The following PTPRT variants were observed in gnomAD, a reference collection of about 807,000 sequenced individuals.
PTPRT encodes protein tyrosine phosphatase receptor type T, also known as receptor-type tyrosine-protein phosphatase T.
PTPRT carries 56 observed loss-of-function variants against 176.8 expected under a neutral mutation model. The observed-to-expected ratio is 0.32, with a 90% CI of 0.26 to 0.40. The LOEUF (loss-of-function observed/expected upper bound fraction) is 0.40, where lower values mean the gene tolerates loss of function less well. Among genes scored for constraint, PTPRT ranks in the 10% least tolerant of loss-of-function variants. The pLI, the probability that PTPRT is intolerant of heterozygous loss-of-function variation, is 1.00. For synonymous variants in PTPRT, 783 were observed against 739.0 expected, an observed-to-expected ratio of 1.06 and a Z score of -0.96; for missense variants, 1,540 against 1,908.2, an observed-to-expected ratio of 0.81 and a Z score of 3.60.
At chr20:42,667,878 G>A (rs2075343513) in intron 7 of PTPRT, among the ~76,000 whole-genome samples, 1 of 152,144 alleles carries the variant, frequency 6.6e-6, no homozygotes, top group Admixed American at 6.5e-5. Flanking sequence ...GAGAGGGCGA[G>A]GAAGTGCAGG....
chr20:42,528,213 G>A (rs1179379740), intron 7 of PTPRT, among the ~76,000 whole-genome samples: 1 of 151,896 alleles, frequency 6.6e-6, no homozygotes, highest in Non-Finnish European at 1.5e-5. Flanking sequence ...GCCTTTTCAT[G>A]CTTACCCACC....
At position 42,771,498 on chromosome 20, in the gene PTPRT, C is replaced by T; in HGVS notation, c.621G>A (p.Gln207=). The change falls in exon 5 of 31, where the codon CAG becomes CAA. Residue 207 remains glutamine (Q), a synonymous_variant. Transcript: ENST00000373187. Reference sequence around the variant, plus strand: ...CAGCAATGCACTGAAATGTGGCATTCTGCCCCACATTCACCTCCACGTTTT... The same window carrying T: ...CAGCAATGCACTGAAATGTGGCATTTTGCCCCACATTCACCTCCACGTTTT... The part of the protein sequence containing the change: ...RLQNVEVNVG[Q]NATFQCIAGG... The T allele has an allele frequency of 1.2e-6, 2 of 1,614,168 alleles. No individual in the cohort carries two copies. Among genetic ancestry groups the T allele is most frequent in the East Asian group, 2.2e-5 (1 of 44,876 alleles).
intron 1 of PTPRT, among the ~76,000 whole-genome samples, chr20:42,912,964 A>T (rs528958417): frequency 1.2e-4 from 19 of 152,214 alleles, no homozygotes; most frequent in Admixed American, 9.8e-4. Flanking sequence ...CAGGAAACAG[A>T]CAACCTGAGT....
chr20:42,488,029 T>C (rs2071493361), intron 7 of PTPRT, among the ~76,000 whole-genome samples: 1 of 152,202 alleles, frequency 6.6e-6, no homozygotes, highest in Admixed American at 6.5e-5. Flanking sequence ...TACCTTTTTG[T>C]CACTCAGCAC....
At chr20:42,182,970 A>T (rs1366823995) in intron 16 of PTPRT, among the ~76,000 whole-genome samples, 1 of 150,026 alleles carries the variant, frequency 6.7e-6, no homozygotes, top group Non-Finnish European at 1.5e-5. Context: ...GTGCACCAGC[A>T]TTTTGTGCTG....
chr20:42,577,969 G>GTGTGTGTGTGTGTGTGTGTGTA (rs564005742), intron 7 of PTPRT, among the ~76,000 whole-genome samples: 2 of 140,302 alleles, frequency 1.4e-5, no homozygotes, highest in African/African-American at 2.8e-5. Context: ...GTGTGTGTGT[G>GTGTGTGTGTGTGTGTGTGTGTA]TAGGCATACC....
intron 6 of PTPRT, among the ~76,000 whole-genome samples, chr20:42,737,598 C>G (rs1055500009): frequency 6.6e-6 from 1 of 150,970 alleles, no homozygotes; most frequent in Non-Finnish European, 1.5e-5. Flanking sequence ...CACCATTGCA[C>G]TCCAGCCTGT....
chr20:42,766,457 C>T (rs2076984184), intron 5 of PTPRT, among the ~76,000 whole-genome samples: 1 of 152,178 alleles, frequency 6.6e-6, no homozygotes. Context: ...TCGGTCCTGT[C>T]CATTGACTCT....
intron 7 of PTPRT, among the ~76,000 whole-genome samples, chr20:42,641,523 A>C (rs1428330407): frequency 6.6e-6 from 1 of 152,184 alleles, no homozygotes; most frequent in Non-Finnish European, 1.5e-5. Flanking sequence ...GTCAGGCATC[A>C]GCTTTTCTGT....
chr20:43,164,080 T>C (rs1347442324), intron 1 of PTPRT, among the ~76,000 whole-genome samples: 5 of 152,236 alleles, frequency 3.3e-5, no homozygotes, highest in Non-Finnish European at 1.5e-5. Context: ...TTTGGGATTA[T>C]TTAAAATATT....
intron 7 of PTPRT, among the ~76,000 whole-genome samples, chr20:42,541,611 G>GA (rs1415226944): frequency 4.2e-4 from 62 of 148,146 alleles, no homozygotes; most frequent in African/African-American, 1.0e-3. Context: ...AGCCATATAG[G>GA]AAAAAAAATG....
intron 1 of PTPRT, among the ~76,000 whole-genome samples, chr20:43,156,474 G>GAGAC (rs368469080): frequency 1.1e-4 from 17 of 152,194 alleles, no homozygotes; most frequent in African/African-American, 3.6e-4. Flanking sequence ...GGATGGCACA[G>GAGAC]AGACAGACAG....
In PTPRT at chr20:43,128,490, C is replaced by G. The variant is rs375079721; in HGVS notation, c.88+61156G>C. On this transcript the variant is annotated intron_variant, in intron 1 of 30. Transcript: ENST00000373187. ...GGAGTTACCAACCCATTCTTTTGGC[C>G]TGCCCCAGCACAACCACTATGGGGG... Among the ~76,000 whole-genome samples, 15 of 152,298 alleles carry G rather than the reference C, an allele frequency of 9.8e-5. No homozygotes were observed. In the East Asian group the frequency reaches 2.9e-3, roughly 29 times the overall value.
At chr20:42,839,686 A>T (rs1036968789) in intron 2 of PTPRT, among the ~76,000 whole-genome samples, 2 of 152,178 alleles carry the variant, frequency 1.3e-5, no homozygotes. Context: ...GACCAAGGAC[A>T]TCCCAAGGTA....
chr20:42,100,141 C>T (rs907648407), intron 26 of PTPRT, among the ~76,000 whole-genome samples: 1 of 152,196 alleles, frequency 6.6e-6, no homozygotes, highest in Non-Finnish European at 1.5e-5. Flanking sequence ...GTCCAGGGCC[C>T]GACATGGTGC....
intron 9 of PTPRT, among the ~76,000 whole-genome samples, chr20:42,396,687 G>A (rs1415961172): frequency 6.6e-6 from 1 of 152,136 alleles, no homozygotes; most frequent in Non-Finnish European, 1.5e-5. Flanking sequence ...TCAGCCTCCT[G>A]AGTAGCTGGG....
chr20:42,385,182 C>T (rs192359091), intron 9 of PTPRT, among the ~76,000 whole-genome samples: 3 of 152,148 alleles, frequency 2.0e-5, no homozygotes, highest in African/African-American at 4.8e-5. Flanking sequence ...GGAGCTTTCC[C>T]CCTATTTCTT....
chr20:42,136,820 T>A (rs1988402397), intron 18 of PTPRT, among the ~76,000 whole-genome samples: 1 of 152,238 alleles, frequency 6.6e-6, no homozygotes, highest in South Asian at 2.1e-4. Context: ...GAGTGGGAAG[T>A]GAGACAGAGA....
intron 15 of PTPRT, among the ~76,000 whole-genome samples, chr20:42,224,146 A>G (rs2055949923): frequency 6.6e-6 from 1 of 152,168 alleles, no homozygotes; most frequent in African/African-American, 2.4e-5. Flanking sequence ...TCTGTTAAGA[A>G]AGAGATTTCA....
Sources: gnomAD v4.1 joint callset for allele counts (sites outside exome capture counted in the v4.1 genomes callset) on GRCh38, gnomAD v4.1.1 for gene constraint, MANE v1.5 for transcripts, NCBI Gene and HGNC (gene_info 2026-07-23, HGNC 2026-07-21) for gene names.